Variants in CLGN observed in about 807,000 individuals in gnomAD.
CLGN encodes the protein testis tissue sperm-binding protein Li 79P.
In CLGN, 62 loss-of-function variants were observed where a neutral mutation model predicts 79.1. The ratio of observed to expected loss-of-function variants is 0.78; its 90% CI spans 0.64 to 0.97. CLGN has a LOEUF of 0.97. CLGN is among the 50% of genes least tolerant of loss of function. The probability of loss-of-function intolerance (pLI) is 0.00; values close to 1 mark genes in which losing one functional copy is unlikely to be tolerated. For synonymous variants in CLGN, 225 were observed against 224.7 expected (o/e 1.00, Z -0.01); for missense variants, 647 against 715.5 (o/e 0.90, Z 1.09).
In CLGN at chr4:140,396,510, T is replaced by C. The variant is rs111858479; in HGVS notation, c.885-305A>G. Among the ~76,000 whole-genome samples, 1,170 of 152,178 alleles carry C rather than the reference T, an allele frequency of 7.7e-3. 11 individuals are homozygous for C. The highest frequency in any genetic ancestry group is 0.026 in the African/African-American group (1,069 of 41,544). ...AAACTCAGTCATTCATCAACAAATA[T>C]ATATTGCATGCTTACTATGTGTCAA... On this transcript the variant is annotated intron_variant, in intron 8 of 14. Transcript: ENST00000325617.
At chr4:140,393,699 T>G in intron 11 of CLGN, 127 bp downstream of exon 11, 8 of 779,972 alleles carry the variant, frequency 1.0e-5, no homozygotes, top group Non-Finnish European at 1.6e-5. Context: ...TTCAAACACA[T>G]TTCCTTGGCA....
intron 7 of CLGN, among the ~76,000 whole-genome samples, 166 bp downstream of exon 7, chr4:140,400,191 G>C (rs1421011488): frequency 6.6e-6 from 1 of 151,986 alleles, no homozygotes; most frequent in South Asian, 2.1e-4. Context: ...TTCTTATATG[G>C]TACTTTATTT....
At chr4:140,402,721 T>C (rs898957151) in intron 5 of CLGN, among the ~76,000 whole-genome samples, 2 of 152,252 alleles carry the variant, frequency 1.3e-5, no homozygotes, top group East Asian at 3.9e-4. Flanking sequence ...AAAGTTTTTT[T>C]TTCTTTATTG....
rs746598257 is a variant in CLGN at position 140,392,397 on chromosome 4, G to A, written c.1492-19C>T. The A allele has an allele frequency of 1.9e-6, 3 of 1,574,392 alleles. No homozygotes were observed. The highest frequency in any genetic ancestry group is 1.7e-6 in the Non-Finnish European group (2 of 1,165,440). On this transcript the variant is annotated intron_variant, in intron 12 of 14. Transcript: ENST00000325617. ...GTTTTTTCTGTGGTAGTTAACATAA[G>A]TTATTTTTACTAAAGGCAGAGTGCT... is the stretch of plus-strand genomic sequence containing the variant.
At chr4:140,396,438 G>T (rs1463900510) in intron 8 of CLGN, among the ~76,000 whole-genome samples, 1 of 151,954 alleles carries the variant, frequency 6.6e-6, no homozygotes, top group African/African-American at 2.4e-5. Flanking sequence ...TAATACGAAT[G>T]ATAGCATTCT....
chr4:140,423,262 A>G lies in CLGN; in HGVS notation c.-10+4275T>C, dbSNP rs527623330. On this transcript the variant is annotated intron_variant, in intron 1 of 14. Transcript: ENST00000325617. ...TTTTATTATGAAAGAGTGTTGAATC[A>G]TGTCAAATGCTTTTTCTGCATGAAT... is the stretch of plus-strand genomic sequence containing the variant. 1.1e-3 allele frequency among the ~76,000 whole-genome samples: 165 copies of G among 152,150 alleles called. 2 individuals are homozygous for G. The highest frequency in any genetic ancestry group is 3.8e-3 in the African/African-American group (157 of 41,514).
chr4:140,408,415 T>C (rs1221110855), intron 4 of CLGN, among the ~76,000 whole-genome samples: 1 of 151,948 alleles, frequency 6.6e-6, no homozygotes, highest in Non-Finnish European at 1.5e-5. Context: ...GGAGAAAATA[T>C]TAATAACCTA....
chr4:140,410,727 G>T (rs1729194865), intron 2 of CLGN, 101 bp from the exon 3 acceptor site: 2 of 704,350 alleles, frequency 2.8e-6, no homozygotes, highest in Non-Finnish European at 4.9e-6. Flanking sequence ...GCACATACAG[G>T]TAATACAGAT....
At chr4:140,399,088 T>C in intron 7 of CLGN, 48 bp from the exon 8 acceptor site, 5 of 1,464,898 alleles carry the variant, frequency 3.4e-6, no homozygotes, top group Non-Finnish European at 4.6e-6. Context: ...TGATATACGC[T>C]TTAAAGATAA....
chr4:140,421,273 A>AAT (rs1160181018), intron 1 of CLGN, among the ~76,000 whole-genome samples: 1 of 152,156 alleles, frequency 6.6e-6, no homozygotes, highest in African/African-American at 2.4e-5. Context: ...TGGGTATACA[A>AAT]ATAACTCTTC....
intron 1 of CLGN, among the ~76,000 whole-genome samples, chr4:140,417,775 C>T (rs1343503047): frequency 2.0e-5 from 3 of 150,050 alleles, no homozygotes; most frequent in Non-Finnish European, 3.0e-5. Context: ...GGCCATACTG[C>T]CCAAGGTAAT....
At chr4:140,404,663 C>CTT (rs148292944) in intron 5 of CLGN, among the ~76,000 whole-genome samples, 22 of 149,062 alleles carry the variant, frequency 1.5e-4, no homozygotes, top group African/African-American at 4.9e-4. Context: ...TTCTTTCTTT[C>CTT]TTTTTTTTTG....
chr4:140,410,569 T>C lies in CLGN; in HGVS notation c.202A>G (p.Ser68Gly). ...AATACTCACCCAGCCAACCTTCCAC[T>C]ATCAAAAGTTTCTGCAAAATATACT... ...GEVYFAETFD[S>G]GRLAGWVLSK... The change falls in exon 3 of 15, where the codon AGT becomes GGT. Residue 68 changes from serine to glycine, a missense_variant. By Grantham distance (56) the Ser-to-Gly change is moderately conservative. Transcript: ENST00000325617. 1 of 1,601,270 alleles carries C rather than the reference T, an allele frequency of 6.2e-7. No individual in the cohort carries two copies. The highest frequency in any genetic ancestry group is 1.1e-5 in the South Asian group (1 of 90,648).
At chr4:140,424,797 C>T (rs1016865264) in intron 1 of CLGN, among the ~76,000 whole-genome samples, 2 of 152,166 alleles carry the variant, frequency 1.3e-5, no homozygotes, top group African/African-American at 2.4e-5. Context: ...TGCACCAACA[C>T]GTATCTTTGA....
intron 5 of CLGN, among the ~76,000 whole-genome samples, chr4:140,404,033 C>A (rs1729045454): frequency 6.6e-6 from 1 of 151,964 alleles, no homozygotes; most frequent in South Asian, 2.1e-4. Context: ...ATATGTAGAA[C>A]TTCTCAGTCT....
chr4:140,410,759 G>A, intron 2 of CLGN, 133 bp from the exon 3 acceptor site: 8 of 593,840 alleles, frequency 1.3e-5, no homozygotes, highest in East Asian at 2.8e-5. Context: ...AACTCAAATA[G>A]GATACAAAAC....
At chr4:140,404,154 C>T (rs1430653876) in intron 5 of CLGN, among the ~76,000 whole-genome samples, 2 of 151,838 alleles carry the variant, frequency 1.3e-5, no homozygotes, top group Non-Finnish European at 2.9e-5. Context: ...AGTGCAGTGG[C>T]ATGATCTCGG....
intron 5 of CLGN, among the ~76,000 whole-genome samples, chr4:140,402,458 C>T (rs1390802932): frequency 6.6e-6 from 1 of 151,868 alleles, no homozygotes; most frequent in Non-Finnish European, 1.5e-5. Flanking sequence ...CCGTAAGAAC[C>T]ACAGCTACAG....
At chr4:140,402,361 A>T (rs562578397) in intron 5 of CLGN, among the ~76,000 whole-genome samples, 1 of 152,076 alleles carries the variant, frequency 6.6e-6, no homozygotes. Flanking sequence ...AGCATAAGAT[A>T]CTGTAACTAA....
Sources: gnomAD v4.1 joint callset for allele counts (sites outside exome capture counted in the v4.1 genomes callset) on GRCh38, gnomAD v4.1.1 for gene constraint, MANE v1.5 for transcripts, NCBI Gene and HGNC (gene_info 2026-07-23, HGNC 2026-07-21) for gene names.